Variants in WIPI2 observed in about 807,000 individuals in gnomAD.
WIPI2 encodes WD repeat domain phosphoinositide-interacting protein 2.
In WIPI2, 28 loss-of-function variants were observed where a neutral mutation model predicts 52.3. The observed-to-expected ratio is 0.54, with a 90% CI of 0.40 to 0.73. The LOEUF (loss-of-function observed/expected upper bound fraction) is 0.73, where lower values mean the gene tolerates loss of function less well. WIPI2 is among the 30% of genes least tolerant of loss of function. The pLI is 0.00. For synonymous variants in WIPI2, 268 were observed against 245.0 expected (o/e 1.09, Z -0.88); for missense variants, 506 against 602.9 (o/e 0.84, Z 1.68).
chr7:5,223,465 C>T (rs1274440725), intron 8 of WIPI2, among the ~76,000 whole-genome samples: 1 of 152,100 alleles, frequency 6.6e-6, no homozygotes, highest in Non-Finnish European at 1.5e-5. Flanking sequence ...CTCAGTATCC[C>T]CAAACGTCAC....
Position 5,222,627 on chromosome 7 carries a change from TTCC to T in WIPI2, c.696_698del (p.Pro233del), listed in dbSNP as rs770271782. The T allele has an allele frequency of 6.2e-7, 1 of 1,614,126 alleles. No individual in the cohort carries two copies. On this transcript the variant is annotated inframe_deletion, in exon 8 of 13. Transcript: ENST00000288828. Reference sequence around the variant, plus strand: ...GGGACCGTGATTAGGGTATTTTCCATTCCAGAAGGACAAAAACTCTTTGAGTTT... The same window carrying T: ...GGGACCGTGATTAGGGTATTTTCCATAGAAGGACAAAAACTCTTTGAGTTT...
intron 7 of WIPI2, among the ~76,000 whole-genome samples, chr7:5,222,270 T>A (rs115467900): frequency 6.6e-6 from 1 of 152,334 alleles, no homozygotes; most frequent in African/African-American, 2.4e-5. Flanking sequence ...TTTTAATAGT[T>A]TAAACTTCAG....
chr7:5,193,431 T>A (rs1781574424), intron 2 of WIPI2: 1 of 1,029,112 alleles, frequency 9.7e-7, no homozygotes, highest in East Asian at 2.9e-5. Flanking sequence ...AAGTCTTGTG[T>A]TTGTAGAATT....
At chr7:5,197,151 AAAAT>A (rs1397258056) in intron 2 of WIPI2, among the ~76,000 whole-genome samples, 2 of 150,212 alleles carry the variant, frequency 1.3e-5, no homozygotes, top group African/African-American at 2.4e-5. Flanking sequence ...AAAAAACCAT[AAAAT>A]AAATAAACTT....
At chr7:5,190,560 C>G in intron 1 of WIPI2, 67 bp downstream of exon 1, 3 of 1,335,390 alleles carry the variant, frequency 2.2e-6, no homozygotes, top group East Asian at 3.2e-5. Flanking sequence ...GGGGGAGGGC[C>G]TCGCTGCCAA....
intron 1 of WIPI2, chr7:5,190,757 C>T: frequency 2.9e-6 from 1 of 339,886 alleles, no homozygotes; most frequent in Non-Finnish European, 5.3e-6. Context: ...TGCGGGGAGG[C>T]CCCCTGGCTT....
chr7:5,223,563 C>T (rs13223581), intron 8 of WIPI2, among the ~76,000 whole-genome samples: 22,212 of 152,156 alleles, frequency 0.15, 1,707 homozygotes, highest in East Asian at 0.3. Context: ...GCTGCTTCTG[C>T]CCAGTTCCCC....
chr7:5,193,045 A>G, intron 1 of WIPI2, 73 bp from the exon 2 acceptor site: 17 of 1,438,198 alleles, frequency 1.2e-5, no homozygotes, highest in Non-Finnish European at 1.7e-5. Flanking sequence ...CATGATTCCT[A>G]TCCTAAAAGT....
chr7:5,215,172 A>G (rs909631808), intron 4 of WIPI2, among the ~76,000 whole-genome samples: 1 of 152,152 alleles, frequency 6.6e-6, no homozygotes, highest in East Asian at 1.9e-4. Flanking sequence ...TTAGCCGGGC[A>G]TGGTGGCAGG....
Position 5,216,580 on chromosome 7 carries a change from G to A in WIPI2, c.399G>A (p.Leu133=), listed in dbSNP as rs1782825588. ...KLNRQRLIVC[L]EESLYIHNIR... is the part of the protein sequence containing the mutation. The stretch of plus-strand genomic sequence containing the variant: ...TCGCCTAGAGGCTGATAGTATGCCT[G>A]GAGGAGTCCCTGTACATCCACAACA... The change falls in exon 5 of 13, where the codon CTG becomes CTA. Residue 133 remains leucine (L), a synonymous_variant. Transcript: ENST00000288828. 1 of 1,614,186 alleles carries A rather than the reference G, an allele frequency of 6.2e-7. No homozygotes were observed.
chr7:5,214,464 G>T, intron 3 of WIPI2, 71 bp from the exon 4 acceptor site: 2 of 1,613,720 alleles, frequency 1.2e-6, no homozygotes, highest in South Asian at 2.2e-5. Flanking sequence ...GTTTGTTTTT[G>T]AGCGCAGATT....
intron 3 of WIPI2, among the ~76,000 whole-genome samples, chr7:5,212,136 C>T (rs548949931): frequency 1.3e-5 from 2 of 152,278 alleles, no homozygotes; most frequent in East Asian, 3.9e-4. Flanking sequence ...AAGGTCCATT[C>T]CATCCGTTCA....
intron 3 of WIPI2, among the ~76,000 whole-genome samples, chr7:5,204,776 C>T (rs545473072): frequency 9.2e-5 from 14 of 152,258 alleles, no homozygotes; most frequent in Admixed American, 2.0e-4. Flanking sequence ...CTCAACCTCC[C>T]GGGCTCAAGT....
In WIPI2 at chr7:5,227,409, C is replaced by T. The variant is rs556202972; in HGVS notation, c.1013+65C>T. 15 of 1,573,978 alleles carry T rather than the reference C, an allele frequency of 9.5e-6. No individual in the cohort carries two copies. The African/African-American group carries it at 1.1e-4, about 11-fold the overall frequency. On this transcript the variant is annotated intron_variant, in intron 10 of 12. Transcript: ENST00000288828. This position sits in a 1 kb window ranked among gnomAD's most constrained non-coding sequence, Gnocchi z 8.1. ...CTCAGGCCGAGGGGCCCAGTCCTGG[C>T]GGCTTGTGGCCCCTTCCGTGCTTCT...
Position 5,229,644 on chromosome 7 carries a change from G to T in WIPI2, c.1158G>T (p.Leu386Phe). ...GTCTGGAAACGACCAATGAGATCTT[G>T]GACTCTGCCTCTCACGACTGCCCCT... is the stretch of plus-strand genomic sequence containing the variant. ...DGSLETTNEILDSASHDCPLV... is the reference protein window; with the variant it reads ...DGSLETTNEIFDSASHDCPLV... The change falls in exon 12 of 13, where the codon TTG becomes TTT. Residue 386 changes from leucine (L) to phenylalanine (F), a missense_variant. Coordinates refer to ENST00000288828, the MANE Select transcript of WIPI2 (RefSeq NM_015610.4). The T allele has an allele frequency of 2.5e-6, 4 of 1,613,842 alleles. No individual in the cohort carries two copies. The highest frequency in any genetic ancestry group is 3.4e-6 in the Non-Finnish European group (4 of 1,179,904).
At chr7:5,193,794 T>G (rs963959078) in intron 2 of WIPI2, among the ~76,000 whole-genome samples, 1 of 151,940 alleles carries the variant, frequency 6.6e-6, no homozygotes, top group African/African-American at 2.4e-5. Context: ...ACCAGGCTGG[T>G]GTTGAACTCC....
intron 6 of WIPI2, 62 bp downstream of exon 6, chr7:5,217,249 C>A: frequency 6.5e-7 from 1 of 1,544,530 alleles, no homozygotes; most frequent in Non-Finnish European, 8.9e-7. Flanking sequence ...AAGAGGAGCA[C>A]TGTGGTGTCC....
At chr7:5,197,822 C>T (rs1781823005) in intron 2 of WIPI2, among the ~76,000 whole-genome samples, 1 of 152,184 alleles carries the variant, frequency 6.6e-6, no homozygotes, top group Non-Finnish European at 1.5e-5. Flanking sequence ...TTTTCATGTT[C>T]TCCCAGATGT....
chr7:5,221,154 G>C (rs1428594341), intron 7 of WIPI2, among the ~76,000 whole-genome samples: 5 of 151,932 alleles, frequency 3.3e-5, no homozygotes, highest in African/African-American at 1.2e-4. Flanking sequence ...GTAGAGACGG[G>C]GTTTCACCAT....
Sources: allele counts gnomAD v4.1 joint callset (sites outside exome capture counted in the v4.1 genomes callset), GRCh38; gene constraint gnomAD v4.1.1; non-coding constraint Gnocchi (gnomAD v3.1); transcripts MANE v1.5; gene names NCBI Gene and HGNC (gene_info 2026-07-23, HGNC 2026-07-21).